Variants in ELMO1 observed in about 807,000 individuals in gnomAD.
ELMO1 encodes engulfment and cell motility 1.
In ELMO1, 26 loss-of-function variants were observed where a neutral mutation model predicts 98.9. That is an observed-to-expected ratio of 0.26 (90% CI 0.19 to 0.36). The LOEUF is 0.36. Ranked by LOEUF, ELMO1 falls within the 10% of genes least tolerant of loss-of-function variation. ELMO1 has a pLI of 1.00. For synonymous variants in ELMO1, 346 were observed against 346.0 expected (o/e 1.00, Z 0.00); for missense variants, 627 against 935.2 (o/e 0.67, Z 4.30).
At chr7:37,303,900 T>C (rs980423702) in intron 4 of ELMO1, among the ~76,000 whole-genome samples, 20 of 152,200 alleles carry the variant, frequency 1.3e-4, no homozygotes, top group African/African-American at 4.8e-4. Context: ...AATCATCTTG[T>C]TATAGCCTCT....
At chr7:37,442,928 C>T (rs1270322097) in intron 1 of ELMO1, among the ~76,000 whole-genome samples, 6 of 152,208 alleles carry the variant, frequency 3.9e-5, no homozygotes, top group Non-Finnish European at 7.3e-5. Flanking sequence ...CGCAGTAAAA[C>T]GAGTCAGAAA....
At chr7:36,892,688 T>C (rs974028246) in intron 17 of ELMO1, among the ~76,000 whole-genome samples, 1 of 152,256 alleles carries the variant, frequency 6.6e-6, no homozygotes, top group Non-Finnish European at 1.5e-5. Flanking sequence ...TCCTGTCTAG[T>C]AGATCACTCT....
intron 13 of ELMO1, among the ~76,000 whole-genome samples, chr7:37,176,942 T>C (rs114218245): frequency 6.6e-6 from 1 of 152,290 alleles, no homozygotes; most frequent in African/African-American, 2.4e-5. Flanking sequence ...AATGCCTAAG[T>C]ACGGATATGG....
At chr7:36,863,289 A>G (rs1347596444) in intron 20 of ELMO1, among the ~76,000 whole-genome samples, 2 of 152,210 alleles carry the variant, frequency 1.3e-5, no homozygotes, top group Non-Finnish European at 2.9e-5. Context: ...ACAATAATGT[A>G]AAAAGGAAGG....
chr7:37,065,979 C>A (rs769512310), intron 15 of ELMO1, among the ~76,000 whole-genome samples: 1 of 152,084 alleles, frequency 6.6e-6, no homozygotes, highest in Non-Finnish European at 1.5e-5. Context: ...TCATACTGTT[C>A]TCATGGTAGT....
chr7:36,923,216 G>A (rs1785283239), intron 16 of ELMO1, among the ~76,000 whole-genome samples: 1 of 152,078 alleles, frequency 6.6e-6, no homozygotes, highest in South Asian at 2.1e-4. Context: ...AGGAAAGGAG[G>A]AAAAAGACCA....
chr7:37,097,798 A>G (rs141624355), intron 14 of ELMO1, among the ~76,000 whole-genome samples: 1 of 152,288 alleles, frequency 6.6e-6, no homozygotes, highest in African/African-American at 2.4e-5. Context: ...GAGACCTAGA[A>G]GTGTTTGAGA....
At chr7:37,234,044 A>G (rs1794324639) in intron 7 of ELMO1, among the ~76,000 whole-genome samples, 2 of 152,194 alleles carry the variant, frequency 1.3e-5, no homozygotes, top group African/African-American at 4.8e-5. Flanking sequence ...TTTAGCAGAG[A>G]CTTAGATACA....
intron 6 of ELMO1, among the ~76,000 whole-genome samples, chr7:37,249,029 G>T (rs1267924616): frequency 6.6e-6 from 1 of 152,192 alleles, no homozygotes; most frequent in Non-Finnish European, 1.5e-5. Context: ...CCAGTGTGAG[G>T]AGTATGGTTC....
intron 15 of ELMO1, among the ~76,000 whole-genome samples, chr7:37,075,754 C>T (rs1797542789): frequency 6.6e-6 from 1 of 152,164 alleles, no homozygotes; most frequent in African/African-American, 2.4e-5. Flanking sequence ...CCAGAAGTGG[C>T]ACCAACAGAA....
chr7:37,412,316 G>A (rs1395259223), intron 1 of ELMO1, among the ~76,000 whole-genome samples: 4 of 152,220 alleles, frequency 2.6e-5, no homozygotes, highest in African/African-American at 4.8e-5. Context: ...CCTGGACACT[G>A]AGGAAAGGCT....
intron 15 of ELMO1, among the ~76,000 whole-genome samples, chr7:37,096,218 T>C (rs1270319781): frequency 1.3e-5 from 2 of 152,196 alleles, no homozygotes; most frequent in Admixed American, 1.3e-4. Context: ...TTCATTAAGG[T>C]ATTCAATTTT....
chr7:37,341,542 C>A (rs1352435171), intron 2 of ELMO1, among the ~76,000 whole-genome samples: 2 of 152,190 alleles, frequency 1.3e-5, no homozygotes, highest in Non-Finnish European at 2.9e-5. Context: ...CTGATAACAG[C>A]TTTTTTGACA....
At chr7:37,175,996 G>C (rs963414429) in intron 13 of ELMO1, among the ~76,000 whole-genome samples, 1 of 152,176 alleles carries the variant, frequency 6.6e-6, no homozygotes, top group African/African-American at 2.4e-5. Context: ...AGCAGCATAG[G>C]ATTCAGATTA....
intron 4 of ELMO1, among the ~76,000 whole-genome samples, chr7:37,291,994 C>T (rs986276973): frequency 1.7e-5 from 2 of 116,034 alleles, no homozygotes; most frequent in African/African-American, 3.0e-5. Context: ...CCCTCTGATG[C>T]CGAGCCGAAG....
intron 19 of ELMO1, among the ~76,000 whole-genome samples, chr7:36,874,849 G>A (rs1803816670): frequency 6.6e-6 from 1 of 152,200 alleles, no homozygotes; most frequent in South Asian, 2.1e-4. Flanking sequence ...GTAAGAAGAT[G>A]TCGATTTTCA....
At chr7:37,295,197 C>T (rs1353682549) in intron 4 of ELMO1, among the ~76,000 whole-genome samples, 1 of 152,110 alleles carries the variant, frequency 6.6e-6, no homozygotes, top group Non-Finnish European at 1.5e-5. Context: ...CTACTACTTA[C>T]CTCTGGGGAG....
intron 16 of ELMO1, among the ~76,000 whole-genome samples, chr7:36,954,161 A>G (rs1294236555): frequency 6.6e-6 from 1 of 152,172 alleles, no homozygotes; most frequent in Non-Finnish European, 1.5e-5. Flanking sequence ...CCCACACAGC[A>G]GGATCTCACA....
intron 1 of ELMO1, among the ~76,000 whole-genome samples, chr7:37,346,516 C>T (rs373744169): frequency 2.0e-5 from 3 of 152,164 alleles, no homozygotes; most frequent in South Asian, 2.1e-4. Context: ...ATCTGTACTT[C>T]GGACTTCCTC....
Sources: allele counts gnomAD v4.1 joint callset (sites outside exome capture counted in the v4.1 genomes callset), GRCh38; gene constraint gnomAD v4.1.1; transcripts MANE v1.5; gene names NCBI Gene and HGNC (gene_info 2026-07-23, HGNC 2026-07-21).